The following HNRNPM variants were observed in gnomAD, a reference collection of about 807,000 sequenced individuals.
HNRNPM encodes CEA receptor.
A neutral mutation model predicts 73.1 loss-of-function variants in HNRNPM; 11 were observed. The ratio of observed to expected loss-of-function variants is 0.15; its 90% CI spans 0.09 to 0.25. HNRNPM has a LOEUF of 0.25. HNRNPM is among the 10% of genes least tolerant of loss of function. HNRNPM has a pLI of 1.00. For missense variants in HNRNPM, 789 were observed against 1,067.9 expected (o/e 0.74, Z 3.64); for synonymous variants, 407 against 355.2 (o/e 1.15, Z -1.64).
chr19:8,449,302 C>G (rs1968448803), intron 1 of HNRNPM, among the ~76,000 whole-genome samples: 1 of 152,064 alleles, frequency 6.6e-6, no homozygotes, highest in African/African-American at 2.4e-5. Flanking sequence ...AGGGGGGGTT[C>G]TCCAATGGAC....
Position 8,486,515 on chromosome 19 carries a change from T to TCCTTG in HNRNPM, c.1977+113_1977+117dup, listed in dbSNP as rs980735346. On this transcript the variant is annotated intron_variant, in intron 14 of 15. Coordinates refer to ENST00000325495, the MANE Select transcript of HNRNPM (RefSeq NM_005968.5). ...GGCGCCCTTCAAAGGGGACCACACC[T>TCCTTG]CCTTGCCACTGTCCCAAACGTTTTA... is the stretch of plus-strand genomic sequence containing the variant. 4 of 866,456 alleles carry TCCTTG rather than the reference T, an allele frequency of 4.6e-6. No individual in the cohort carries two copies. The Admixed American group carries it at 1.1e-4, about 24-fold the overall frequency. The allele number at this position is 866,456 out of a possible 1,614,324, so 53.7% of individuals were successfully genotyped here. A position where few individuals can be genotyped will look rare whatever the true frequency, so the allele number is the denominator to read the frequency against.
intron 12 of HNRNPM, among the ~76,000 whole-genome samples, chr19:8,478,918 G>C (rs1031738414): frequency 2.0e-5 from 3 of 152,124 alleles, no homozygotes; most frequent in Non-Finnish European, 4.4e-5. Flanking sequence ...GGAGTGAGTT[G>C]TGCACTTGCT....
chr19:8,455,960 T>TA (rs1968991391), intron 2 of HNRNPM, among the ~76,000 whole-genome samples: 1 of 150,342 alleles, frequency 6.7e-6, no homozygotes, highest in Non-Finnish European at 1.5e-5. Flanking sequence ...TTTTTTTTTT[T>TA]AAGCTTTTTA....
chr19:8,467,283 G>T (rs769194777), intron 7 of HNRNPM, among the ~76,000 whole-genome samples: 56 of 152,188 alleles, frequency 3.7e-4, no homozygotes, highest in Non-Finnish European at 6.8e-4. Context: ...TAAGAGGATG[G>T]TTTGGTGAAA....
chr19:8,463,752 G>A lies in HNRNPM; in HGVS notation c.438+66G>A, dbSNP rs369213225. The A allele has an allele frequency of 6.6e-5, 73 of 1,103,430 alleles. No homozygotes were observed. The South Asian group carries it at 9.3e-4, about 14-fold the overall frequency. 68.4% of individuals were successfully genotyped at this position (1,103,430 alleles called of 1,614,324 possible). The stretch of plus-strand genomic sequence containing the variant: ...TTGAGTGATCCTACTTTGGAATTAG[G>A]GAAAGACGGTCATGGTCCCAGACGG... On this transcript the variant is annotated intron_variant, in intron 5 of 15. Transcript: ENST00000325495.
intron 1 of HNRNPM, among the ~76,000 whole-genome samples, chr19:8,447,055 C>T (rs1424026268): frequency 1.3e-5 from 2 of 152,244 alleles, no homozygotes; most frequent in African/African-American, 4.8e-5. Flanking sequence ...ACAAATTTTC[C>T]CTTTTCCCCT....
At chr19:8,482,094 T>A (rs1970963389) in intron 12 of HNRNPM, among the ~76,000 whole-genome samples, 2 of 150,246 alleles carry the variant, frequency 1.3e-5, no homozygotes, top group Non-Finnish European at 3.0e-5. Context: ...CGCCTCAGCC[T>A]CCTGAGTAAC....
At chr19:8,466,827 T>G (rs952581841) in intron 7 of HNRNPM, among the ~76,000 whole-genome samples, 3 of 10,856 alleles carry the variant, frequency 2.8e-4, no homozygotes, top group Admixed American at 3.8e-3. Flanking sequence ...AGACTCAGTC[T>G]CAAAAAAAAA....
chr19:8,445,749 C>T (rs1968123419), intron 1 of HNRNPM, among the ~76,000 whole-genome samples: 1 of 152,246 alleles, frequency 6.6e-6, no homozygotes, highest in African/African-American at 2.4e-5. Context: ...TCAAGTCCCT[C>T]GCCGTTTCCC....
In HNRNPM at chr19:8,445,102, G is replaced by T. The variant is rs1465789897; in HGVS notation, c.104G>T (p.Gly35Val). 7.1e-7 allele frequency: 1 copy of T among 1,409,970 alleles called. No homozygotes were observed. The highest frequency in any genetic ancestry group is 3.0e-5 in the East Asian group (1 of 33,780). The allele number at this position is 1,409,970 out of a possible 1,614,324, so 87.3% of individuals were successfully genotyped here. A position where few individuals can be genotyped will look rare whatever the true frequency, so the allele number is the denominator to read the frequency against. Residue 35 changes from glycine to valine, a missense_variant, in exon 1 of 16, where the codon GGC (glycine) becomes GTC (valine). Gly to Val is a moderately radical substitution (Grantham distance 109). Coordinates refer to ENST00000325495, the MANE Select transcript of HNRNPM (RefSeq NM_005968.5). ...GTGCCGAGCGGCAACGGGGCTCCGG[G>T]CCCTAAGGGGTGAGTATCCCACGGT... ...PGVPSGNGAPGPKGEGERPAQ... is the reference protein window; with the variant it reads ...PGVPSGNGAPVPKGEGERPAQ...
rs1417114014 is a variant in HNRNPM at position 8,462,028 on chromosome 19, C to T, written c.284-501C>T. ...GCTCTGTACAATTGCACGAGTTGCT[C>T]ACCTGTGAAGCTGGCCCTGCGGCCG... On this transcript the variant is annotated intron_variant, in intron 2 of 15. Coordinates refer to ENST00000325495, the MANE Select transcript of HNRNPM (RefSeq NM_005968.5). The surrounding 1 kb of genome is among the most constrained non-coding windows in gnomAD (Gnocchi z 4.5). 2 of 155,532 alleles carry T rather than the reference C, an allele frequency of 1.3e-5. No homozygotes were observed. Among genetic ancestry groups the T allele is most frequent in the Non-Finnish European group, 2.9e-5 (2 of 69,810 alleles). The allele number at this position is 155,532 out of a possible 1,614,324, so 9.6% of individuals were successfully genotyped here. A position where few individuals can be genotyped will look rare whatever the true frequency, so the allele number is the denominator to read the frequency against.
chr19:8,474,360 C>G (rs984481040), intron 12 of HNRNPM, 116 bp downstream of exon 12: 2 of 600,440 alleles, frequency 3.3e-6, no homozygotes, highest in Non-Finnish European at 2.9e-6. Flanking sequence ...GCTTTTCAAC[C>G]GAATCAAATG....
intron 11 of HNRNPM, 87 bp from the exon 12 acceptor site, chr19:8,474,080 A>G: frequency 1.1e-6 from 1 of 929,568 alleles, no homozygotes; most frequent in Non-Finnish European, 1.6e-6. Flanking sequence ...AAGATACCCC[A>G]GTTGAAACAT....
Position 8,485,666 on chromosome 19 carries a change from G to A in HNRNPM, c.1238G>A (p.Gly413Asp). The part of the protein sequence containing the change: ...RMGPGIDRLG[G>D]AGMERMGAGL... Reference sequence around the variant, plus strand: ...GGTCCTGGCATTGACCGCCTCGGGGGTGCCGGCATGGAGCGCATGGGCGCG... The same window carrying A: ...GGTCCTGGCATTGACCGCCTCGGGGATGCCGGCATGGAGCGCATGGGCGCG... Residue 413 changes from glycine (G) to aspartate (D), a missense_variant, in exon 14 of 16, where the codon GGT becomes GAT. Gly to Asp is a moderately conservative substitution (Grantham distance 94). Around this residue, in one of 4 missense-constraint regions of HNRNPM, gnomAD observed 604 missense variants for 744.0 expected, o/e 0.81. Transcript: ENST00000325495. 6.2e-7 allele frequency: 1 copy of A among 1,608,100 alleles called. No homozygotes were observed. The highest frequency in any genetic ancestry group is 8.5e-7 in the Non-Finnish European group (1 of 1,179,570).
At chr19:8,479,576 G>C (rs922073034) in intron 12 of HNRNPM, among the ~76,000 whole-genome samples, 5 of 151,686 alleles carry the variant, frequency 3.3e-5, no homozygotes, top group Non-Finnish European at 7.4e-5. Flanking sequence ...CTTTGCCTCT[G>C]AGTGGCTAGG....
chr19:8,471,858 T>G (rs1970161935), intron 10 of HNRNPM, among the ~76,000 whole-genome samples: 1 of 152,068 alleles, frequency 6.6e-6, no homozygotes, highest in African/African-American at 2.4e-5. Flanking sequence ...GCTAGAGAGC[T>G]AGGGGCATTG....
At chr19:8,488,557 G>A (rs147669064) in intron 15 of HNRNPM, 134 bp from the exon 16 acceptor site, 471 of 676,372 alleles carry the variant, frequency 7.0e-4, no homozygotes, top group Non-Finnish European at 9.8e-4. Context: ...TGAGGGGGCC[G>A]TAGTCATTGG....
At chr19:8,485,306 T>C (rs1429598730) in intron 13 of HNRNPM, among the ~76,000 whole-genome samples, 1 of 152,146 alleles carries the variant, frequency 6.6e-6, no homozygotes, top group Non-Finnish European at 1.5e-5. Flanking sequence ...TTGACGTCCA[T>C]GGTTCACAAA....
chr19:8,469,189 C>G (rs1969964673), intron 9 of HNRNPM, among the ~76,000 whole-genome samples: 1 of 152,186 alleles, frequency 6.6e-6, no homozygotes, highest in South Asian at 2.1e-4. Context: ...GCAGTGCACA[C>G]TAGACATCTG....
Sources: allele counts gnomAD v4.1 joint callset (sites outside exome capture counted in the v4.1 genomes callset), GRCh38; gene constraint gnomAD v4.1.1; regional missense constraint gnomAD v4.1.1; non-coding constraint Gnocchi (gnomAD v3.1); transcripts MANE v1.5; gene names NCBI Gene and HGNC (gene_info 2026-07-23, HGNC 2026-07-21).